NTM: variants seen among roughly 807,000 people sequenced by gnomAD.
The protein encoded by NTM is IgLON family member 2.
NTM carries 13 observed loss-of-function variants against 42.1 expected under a neutral mutation model. The observed-to-expected ratio is 0.31, with a 90% CI of 0.20 to 0.49. The LOEUF is 0.49. Ranked by LOEUF, NTM falls within the 20% of genes least tolerant of loss-of-function variation. The pLI is 0.99. For synonymous variants in NTM, 187 were observed against 179.2 expected (o/e 1.04, Z -0.35); for missense variants, 373 against 452.8 (o/e 0.82, Z 1.60).
intron 2 of NTM, among the ~76,000 whole-genome samples, chr11:131,919,171 A>C (rs1189486207): frequency 6.6e-6 from 1 of 151,624 alleles, no homozygotes; most frequent in African/African-American, 2.4e-5. Flanking sequence ...TTGTAAAAAA[A>C]GATAATTAAT....
intron 2 of NTM, among the ~76,000 whole-genome samples, chr11:132,125,168 G>A (rs2065467929): frequency 6.6e-6 from 1 of 152,218 alleles, no homozygotes; most frequent in South Asian, 2.1e-4. Flanking sequence ...AAACAAAGAT[G>A]AGGCGACTGA....
chr11:131,838,679 A>C (rs1329937422), intron 1 of NTM, among the ~76,000 whole-genome samples: 2 of 151,898 alleles, frequency 1.3e-5, no homozygotes, highest in African/African-American at 4.8e-5. Context: ...ATGCGCACTC[A>C]AACTGATCTG....
intron 1 of NTM, among the ~76,000 whole-genome samples, chr11:131,585,253 G>A (rs1170476923): frequency 6.6e-6 from 1 of 151,992 alleles, no homozygotes; most frequent in East Asian, 1.9e-4. Flanking sequence ...TTCCCTTTTT[G>A]CACCATGCAC....
chr11:132,327,078 C>T (rs2095698585), intron 7 of NTM, among the ~76,000 whole-genome samples: 1 of 152,226 alleles, frequency 6.6e-6, no homozygotes, highest in Non-Finnish European at 1.5e-5. Context: ...GCAAACAAAA[C>T]AGATTGCATG....
chr11:131,837,430 A>G (rs546159515), intron 1 of NTM, among the ~76,000 whole-genome samples: 14 of 152,256 alleles, frequency 9.2e-5, no homozygotes, highest in African/African-American at 3.4e-4. Flanking sequence ...ATTTCTTTGT[A>G]ATCTAAGAAA....
intron 4 of NTM, among the ~76,000 whole-genome samples, chr11:132,257,264 A>G (rs567703104): frequency 4.6e-5 from 7 of 152,272 alleles, no homozygotes; most frequent in African/African-American, 1.7e-4. Context: ...GTCCTTTCTC[A>G]CCTTGCAAGA....
At chr11:131,463,570 G>T (rs1474901167) in intron 1 of NTM, among the ~76,000 whole-genome samples, 2 of 152,132 alleles carry the variant, frequency 1.3e-5, no homozygotes, top group South Asian at 2.1e-4. Context: ...TAATGTATTT[G>T]TATTAAATAT....
intron 1 of NTM, among the ~76,000 whole-genome samples, chr11:131,487,808 G>A (rs959004693): frequency 2.6e-5 from 4 of 152,204 alleles, no homozygotes; most frequent in African/African-American, 7.2e-5. Flanking sequence ...TCCGCCTGCC[G>A]GATCTCTAGC....
chr11:131,489,275 G>T (rs866464455), intron 1 of NTM, among the ~76,000 whole-genome samples: 1 of 152,090 alleles, frequency 6.6e-6, no homozygotes, highest in African/African-American at 2.4e-5. Context: ...TTCTCAGCTT[G>T]CTTTTTTCCC....
chr11:131,860,451 G>A (rs1263718999), intron 1 of NTM, among the ~76,000 whole-genome samples: 1 of 152,156 alleles, frequency 6.6e-6, no homozygotes, highest in African/African-American at 2.4e-5. Flanking sequence ...CATGTGGGAT[G>A]TTTCTGCCCA....
intron 7 of NTM, among the ~76,000 whole-genome samples, chr11:132,326,479 C>A (rs1436065585): frequency 2.0e-5 from 3 of 152,218 alleles, no homozygotes; most frequent in Non-Finnish European, 4.4e-5. Context: ...GGTCACTGAG[C>A]AGGGGCAAGG....
At chr11:132,098,902 C>T (rs560232083) in intron 2 of NTM, among the ~76,000 whole-genome samples, 12 of 152,244 alleles carry the variant, frequency 7.9e-5, no homozygotes, top group Non-Finnish European at 1.3e-4. Context: ...GTTTTGATCA[C>T]AACCAGAGCA....
At chr11:131,866,594 A>G (rs753459236) in intron 1 of NTM, among the ~76,000 whole-genome samples, 12 of 152,224 alleles carry the variant, frequency 7.9e-5, no homozygotes, top group East Asian at 3.8e-4. Flanking sequence ...GCAAATCTAT[A>G]TGGACTAAAA....
intron 1 of NTM, among the ~76,000 whole-genome samples, chr11:131,547,779 A>G (rs1327497995): frequency 6.6e-6 from 1 of 152,076 alleles, no homozygotes; most frequent in Non-Finnish European, 1.5e-5. Context: ...GTCCCCTCCT[A>G]GTCCCCGCAA....
intron 2 of NTM, among the ~76,000 whole-genome samples, chr11:132,098,798 C>G (rs1304881846): frequency 3.3e-5 from 5 of 152,218 alleles, no homozygotes; most frequent in African/African-American, 1.2e-4. Flanking sequence ...GCAAATAGTA[C>G]CTGGACTTCA....
intron 2 of NTM, among the ~76,000 whole-genome samples, chr11:131,933,303 A>G (rs1412705663): frequency 2.0e-5 from 3 of 152,160 alleles, no homozygotes; most frequent in Non-Finnish European, 2.9e-5. Context: ...CGCAGGCATC[A>G]CCTGGGCTCA....
At chr11:131,389,024 A>AAAAAAGAAAAGAAAAGAAAAG (rs774146196) in intron 1 of NTM, among the ~76,000 whole-genome samples, 3,245 of 89,842 alleles carry the variant, frequency 0.036, 104 homozygotes, top group African/African-American at 0.045. Context: ...AAAAAAAAAA[A>AAAAAAGAAAAGAAAAGAAAAG]AAAAGAAAAG....
chr11:131,826,991 G>A (rs2042215234), intron 1 of NTM, among the ~76,000 whole-genome samples: 1 of 152,076 alleles, frequency 6.6e-6, no homozygotes, highest in South Asian at 2.1e-4. Flanking sequence ...AGGTGGTAGT[G>A]CCCCCAGGGA....
chr11:131,990,195 A>G (rs1186421616), intron 2 of NTM, among the ~76,000 whole-genome samples: 1 of 152,138 alleles, frequency 6.6e-6, no homozygotes, highest in Admixed American at 6.5e-5. Context: ...TAGCTGATAA[A>G]TGGAAAATTC....
Sources: gnomAD v4.1 joint callset for allele counts (sites outside exome capture counted in the v4.1 genomes callset) on GRCh38, gnomAD v4.1.1 for gene constraint, MANE v1.5 for transcripts, NCBI Gene and HGNC (gene_info 2026-07-23, HGNC 2026-07-21) for gene names.